Variants in FBXO41 observed in about 807,000 individuals in gnomAD.
FBXO41 encodes the protein F-box protein 41.
A neutral mutation model predicts 81.6 loss-of-function variants in FBXO41; 33 were observed. That is an observed-to-expected ratio of 0.40 (90% CI 0.31 to 0.54). FBXO41 has a LOEUF of 0.54. Among genes scored for constraint, FBXO41 ranks in the 20% least tolerant of loss-of-function variants. The pLI, the probability that FBXO41 is intolerant of heterozygous loss-of-function variation, is 0.39. For synonymous variants in FBXO41, 576 were observed against 552.7 expected (o/e 1.04, Z -0.59); for missense variants, 1,107 against 1,236.0 (o/e 0.90, Z 1.56).
At chr2:73,263,878 A>G in intron 7 of FBXO41, 48 bp from the exon 8 acceptor site, 1 of 1,614,020 alleles carries the variant, frequency 6.2e-7, no homozygotes, top group South Asian at 1.1e-5. Flanking sequence ...CTCCTCTGGG[A>G]AACTTAATTC....
rs1188523600 is a variant in FBXO41 at position 73,259,455 on chromosome 2, G to A, written c.2450-159C>T. 2.0e-5 allele frequency among the ~76,000 whole-genome samples: 3 copies of A among 152,240 alleles called. No individual in the cohort carries two copies. Among genetic ancestry groups the A allele is most frequent in the Non-Finnish European group, 4.4e-5 (3 of 68,048 alleles). On this transcript the variant is annotated intron_variant, in intron 11 of 12. Transcript: ENST00000520530. The surrounding 1 kb of genome is among the most constrained non-coding windows in gnomAD (Gnocchi z 4.2). Reference sequence around the variant, plus strand: ...GCCACCTGGGGGCTGGCGACCGGATGCGGGGAGAGGTAGATGGGGCTGAGG... The same window carrying A: ...GCCACCTGGGGGCTGGCGACCGGATACGGGGAGAGGTAGATGGGGCTGAGG...
rs756218901 is a variant in FBXO41, at chr2:73,266,712, G to A, written c.906-30C>T. 2 of 1,505,602 alleles carry A rather than the reference G, an allele frequency of 1.3e-6. No homozygotes were observed. Among genetic ancestry groups the A allele is most frequent in the Admixed American group, 2.1e-5 (1 of 48,248 alleles). The allele number at this position is 1,505,602 out of a possible 1,614,324, so 93.3% of individuals were successfully genotyped here. A position where few individuals can be genotyped will look rare whatever the true frequency, so the allele number is the denominator to read the frequency against. On this transcript the variant is annotated intron_variant, in intron 2 of 12. Transcript: ENST00000520530. The surrounding 1 kb of genome is among the most constrained non-coding windows in gnomAD (Gnocchi z 5.3). ...GCCCAGAGCAGTCTCTTACCCCAGA[G>A]CCTCAGCCTGCCTGCCCACCCACCC... is the stretch of plus-strand genomic sequence containing the variant.
chr2:73,260,223 C>A lies in FBXO41; in HGVS notation c.2449+166G>T, dbSNP rs977884672. 6.6e-6 allele frequency among the ~76,000 whole-genome samples: 1 copy of A among 152,134 alleles called. No homozygotes were observed. The stretch of plus-strand genomic sequence containing the variant: ...ATAAGTAGCAGAGCCAGACCTGGGA[C>A]CTAGGTCAGTCAGGCTCTAGAACCA... On this transcript the variant is annotated intron_variant, in intron 11 of 12. Coordinates refer to ENST00000520530, the MANE Select transcript of FBXO41 (RefSeq NM_001371389.2). This position sits in a 1 kb window ranked among gnomAD's most constrained non-coding sequence, Gnocchi z 5.0.
At position 73,259,488 on chromosome 2, in the gene FBXO41, G is replaced by A. The variant is rs146178896; in HGVS notation, c.2450-192C>T. Reference sequence around the variant, plus strand: ...AGGTAGATGGGGCTGAGGCACAGGAGAGGCTGCATTGGCCTCTGGGAGGGT... The same window carrying A: ...AGGTAGATGGGGCTGAGGCACAGGAAAGGCTGCATTGGCCTCTGGGAGGGT... On this transcript the variant is annotated intron_variant, in intron 11 of 12. Transcript: ENST00000520530. This position sits in a 1 kb window ranked among gnomAD's most constrained non-coding sequence, Gnocchi z 4.2. 8.9e-4 allele frequency among the ~76,000 whole-genome samples: 136 copies of A among 152,340 alleles called. 1 individual carries two copies. Among genetic ancestry groups the A allele is most frequent in the Non-Finnish European group, 1.6e-3 (106 of 68,028 alleles).
chr2:73,276,106 T>A (rs920167942), intron 1 of FBXO41, among the ~76,000 whole-genome samples: 1 of 150,686 alleles, frequency 6.6e-6, no homozygotes, highest in Non-Finnish European at 1.5e-5. Flanking sequence ...TTTCTTTTTT[T>A]TTAAAAAAAT....
Position 73,260,703 on chromosome 2 carries a change from C to G in FBXO41, c.2290+37G>C. ...GGCAGCACTGCACCCATGCCTGCTT[C>G]CCACTACCCACCACCCCAGTCCAAG... On this transcript the variant is annotated intron_variant, in intron 10 of 12. Transcript: ENST00000520530. The surrounding 1 kb of genome is among the most constrained non-coding windows in gnomAD (Gnocchi z 5.0). 1 of 1,518,020 alleles carries G rather than the reference C, an allele frequency of 6.6e-7. No homozygotes were observed. Among genetic ancestry groups the G allele is most frequent in the Non-Finnish European group, 8.9e-7 (1 of 1,124,306 alleles). 94.0% of individuals were successfully genotyped at this position (1,518,020 alleles called of 1,614,324 possible).
In FBXO41 at chr2:73,269,373, G is replaced by T; in HGVS notation, c.258C>A (p.Ser86Arg). The T allele has an allele frequency of 6.6e-7, 1 of 1,504,578 alleles. No individual in the cohort carries two copies. 93.2% of individuals were successfully genotyped at this position (1,504,578 alleles called of 1,614,324 possible). A position where few individuals can be genotyped will look rare whatever the true frequency, so the allele number is the denominator to read the frequency against. The change falls in exon 2 of 13, where the codon AGC becomes AGA. Residue 86 changes from serine to arginine, a missense_variant. Around this residue, in one of 2 missense-constraint regions of FBXO41, gnomAD observed 771 missense variants for 789.2 expected, o/e 0.98. Coordinates refer to ENST00000520530, the MANE Select transcript of FBXO41 (RefSeq NM_001371389.2). The surrounding 1 kb of genome is among the most constrained non-coding windows in gnomAD (Gnocchi z 7.0). ...CCTGCTCCTTGCCCTGGAAGGAAGT[G>T]CTCTCGAAGACCTCTCGCCGGGCGC... The part of the protein sequence containing the change: ...VPGARREVFE[S>R]TSFQGKEQAA...
rs71406819 is a variant in FBXO41, at chr2:73,280,108, A to ACC, written c.-139+4050_-139+4051dup. The stretch of plus-strand genomic sequence containing the variant: ...TATATACTCAGCACCCTGGATAGCG[A>ACC]CCCCCCCTGCCCCCGCCCCTCAACC... On this transcript the variant is annotated intron_variant, in intron 1 of 12. Transcript: ENST00000520530. Among the ~76,000 whole-genome samples the ACC allele has an allele frequency of 2.2e-3, 319 of 148,084 alleles. 1 individual carries two copies. The highest frequency in any genetic ancestry group is 3.5e-3 in the Non-Finnish European group (235 of 67,210).
chr2:73,275,588 TAGAG>T (rs1010062038), intron 1 of FBXO41, among the ~76,000 whole-genome samples: 4 of 152,202 alleles, frequency 2.6e-5, no homozygotes, highest in African/African-American at 7.2e-5. Context: ...TGTTCAAAAA[TAGAG>T]AGAGTATTAT....
chr2:73,277,053 CTT>C (rs1688716573), intron 1 of FBXO41, among the ~76,000 whole-genome samples: 1 of 152,340 alleles, frequency 6.6e-6, no homozygotes, highest in South Asian at 2.1e-4. Flanking sequence ...TCACCATACA[CTT>C]TTGAAGTGCC....
chr2:73,260,378 C>G lies in FBXO41; in HGVS notation c.2449+11G>C, dbSNP rs769230016. The G allele has an allele frequency of 1.4e-5, 22 of 1,611,432 alleles. No homozygotes were observed. Among genetic ancestry groups the G allele is most frequent in the Non-Finnish European group, 1.7e-5 (20 of 1,178,784 alleles). On this transcript the variant is annotated intron_variant, in intron 11 of 12. Coordinates refer to ENST00000520530, the MANE Select transcript of FBXO41 (RefSeq NM_001371389.2). The surrounding 1 kb of genome is among the most constrained non-coding windows in gnomAD (Gnocchi z 5.0). ...TAGTCGTACCCTGCCCCTCATTCCC[C>G]CAGTGCTCACTGTTGAAGTGCAGTA...
At chr2:73,263,595 G>A in intron 8 of FBXO41, 83 bp downstream of exon 8, 12 of 1,541,284 alleles carry the variant, frequency 7.8e-6, no homozygotes, top group Middle Eastern at 2.4e-4. Context: ...TGAGAACCCT[G>A]GGGGAGGCTA....
At position 73,269,322 on chromosome 2, in the gene FBXO41, C is replaced by G. The variant is rs982508555; in HGVS notation, c.309G>C (p.Pro103=). Residue 103 remains proline, a synonymous_variant, in exon 2 of 13, where the codon CCG becomes CCC. Transcript: ENST00000520530. The surrounding 1 kb of genome is among the most constrained non-coding windows in gnomAD (Gnocchi z 7.0). ...EQAAGPSPAA[P]HLLHHHHHHA... ...GGTGATGGTGGTGGTGCAGCAGGTGCGGCGCCGCGGGCGACGGCCCGGCCG... is the reference window on the plus strand; with the variant it reads ...GGTGATGGTGGTGGTGCAGCAGGTGGGGCGCCGCGGGCGACGGCCCGGCCG... 7 of 1,524,542 alleles carry G rather than the reference C, an allele frequency of 4.6e-6. No individual in the cohort carries two copies. In the African/African-American group the frequency reaches 8.6e-5, roughly 19 times the overall value. The allele number at this position is 1,524,542 out of a possible 1,614,324, so 94.4% of individuals were successfully genotyped here.
In FBXO41 at chr2:73,263,702, C is replaced by T. The variant is rs766703053; in HGVS notation, c.2051G>A (p.Arg684His). 1.4e-5 allele frequency: 22 copies of T among 1,613,626 alleles called. No individual in the cohort carries two copies. The highest frequency in any genetic ancestry group is 2.7e-5 in the African/African-American group (2 of 74,926). ...CCTGTACGTGACAGCCTGCAGGGCA[C>T]GGCAGTAGCAGCTGGCCAGCCAGAG... ...RSLWLASCYC[R>H]ALQAVTYRSA... The change falls in exon 8 of 13, where the codon CGT becomes CAT. Residue 684 changes from arginine to histidine, a missense_variant. Physicochemically the swap from Arg to His is conservative, Grantham distance 29. Around this residue, in one of 2 missense-constraint regions of FBXO41, gnomAD observed 336 missense variants for 446.7 expected, o/e 0.75. Transcript: ENST00000520530.
In FBXO41 at chr2:73,259,564, G is replaced by C. The variant is rs557415559; in HGVS notation, c.2450-268C>G. On this transcript the variant is annotated intron_variant, in intron 11 of 12. Coordinates refer to ENST00000520530, the MANE Select transcript of FBXO41 (RefSeq NM_001371389.2). This position sits in a 1 kb window ranked among gnomAD's most constrained non-coding sequence, Gnocchi z 4.2. ...AGCCTCTAGGAACTTCCCTGACACA[G>C]GGGGCAGCTATACCATGGTCTGGGC... 6.6e-6 allele frequency among the ~76,000 whole-genome samples: 1 copy of C among 152,314 alleles called. No individual in the cohort carries two copies. The highest frequency in any genetic ancestry group is 1.9e-4 in the East Asian group (1 of 5,178).
chr2:73,283,285 T>G (rs935308909), intron 1 of FBXO41, among the ~76,000 whole-genome samples: 2 of 152,160 alleles, frequency 1.3e-5, no homozygotes, highest in Non-Finnish European at 2.9e-5. Flanking sequence ...GGCCCCAACA[T>G]GTATACCTCC....
rs12998058 is a variant in FBXO41 at position 73,284,340 on chromosome 2, A to G, written c.-319T>C. ...TCCCTCTCGGGGCGGGGGCGGCCGA[A>G]CCTCCCAGCCAGTCGCAGCGGGAGG... is the stretch of plus-strand genomic sequence containing the variant. On this transcript the variant is annotated 5_prime_UTR_variant, in exon 1 of 13. Coordinates refer to ENST00000520530, the MANE Select transcript of FBXO41 (RefSeq NM_001371389.2). The surrounding 1 kb of genome is among the most constrained non-coding windows in gnomAD (Gnocchi z 7.4). 0.12 allele frequency: 18,262 copies of G among 151,428 alleles called. 1,783 individuals carry two copies. The highest frequency in any genetic ancestry group is 0.42 in the East Asian group (2,129 of 5,010). 9.4% of individuals were successfully genotyped at this position (151,428 alleles called of 1,614,324 possible).
At position 73,260,816 on chromosome 2, in the gene FBXO41, A is replaced by G. The variant is rs1250126503; in HGVS notation, c.2214T>C (p.Ile738=). 6.4e-7 allele frequency: 1 copy of G among 1,570,078 alleles called. No individual in the cohort carries two copies. Among genetic ancestry groups the G allele is most frequent in the East Asian group, 2.3e-5 (1 of 42,994 alleles). ...CCCGCAGGTGGGGCCAACAGCGACCAATCATCTGCAGGCAGCGGTTACTGA... is the reference window on the plus strand; with the variant it reads ...CCCGCAGGTGGGGCCAACAGCGACCGATCATCTGCAGGCAGCGGTTACTGA... ...TRFSNRCLQM[I]GRCWPHLRAL... The change falls in exon 10 of 13, where the codon ATT becomes ATC. Residue 738 remains isoleucine (I), a synonymous_variant. Coordinates refer to ENST00000520530, the MANE Select transcript of FBXO41 (RefSeq NM_001371389.2). The surrounding 1 kb of genome is among the most constrained non-coding windows in gnomAD (Gnocchi z 5.0).
In FBXO41 at chr2:73,266,227, A is replaced by G. The variant is rs1688270087; in HGVS notation, c.1131+230T>C. On this transcript the variant is annotated intron_variant, in intron 3 of 12. Transcript: ENST00000520530. This position sits in a 1 kb window ranked among gnomAD's most constrained non-coding sequence, Gnocchi z 5.3. ...CTCATTTGCAGGGATGGGCAGAGAT[A>G]GCCCCCGAGGGCTGGGGCCACCGAA... is the stretch of plus-strand genomic sequence containing the variant. Among the ~76,000 whole-genome samples the G allele has an allele frequency of 6.6e-6, 1 of 152,132 alleles. No individual in the cohort carries two copies. The highest frequency in any genetic ancestry group is 1.5e-5 in the Non-Finnish European group (1 of 68,016).
Sources: gnomAD v4.1 joint callset for allele counts (sites outside exome capture counted in the v4.1 genomes callset) on GRCh38, gnomAD v4.1.1 for gene constraint, gnomAD v4.1.1 regional missense constraint, Gnocchi (gnomAD v3.1) non-coding constraint, MANE v1.5 for transcripts, NCBI Gene and HGNC (gene_info 2026-07-23, HGNC 2026-07-21) for gene names.